Variants in CPA6 observed in about 807,000 individuals in gnomAD.
The protein encoded by CPA6 is carboxypeptidase A6, also known as carboxypeptidase B.
CPA6 carries 58 observed loss-of-function variants against 63.3 expected under a neutral mutation model. That is an observed-to-expected ratio of 0.92 (90% CI 0.74 to 1.14). The LOEUF is 1.14. Ranked by LOEUF, CPA6 falls within the 50% of genes most tolerant of loss-of-function variation. CPA6 has a pLI of 0.00. For missense variants in CPA6, 565 were observed against 526.6 expected (o/e 1.07, Z -0.71); for synonymous variants, 185 against 179.0 (o/e 1.03, Z -0.27).
chr8:67,666,835 C>T, intron 1 of CPA6, among the ~76,000 whole-genome samples: 1 of 152,170 alleles, frequency 6.6e-6, no homozygotes, highest in Admixed American at 6.5e-5. Context: ...GAATGGTTGA[C>T]ACTCTCGATC....
chr8:67,670,351 A>C (rs1362508024), intron 1 of CPA6, among the ~76,000 whole-genome samples: 1 of 152,102 alleles, frequency 6.6e-6, no homozygotes, highest in Non-Finnish European at 1.5e-5. Flanking sequence ...CCACTTTTAA[A>C]CAACCAGATC....
At chr8:67,465,184 T>G (rs2128957745) in intron 8 of CPA6, among the ~76,000 whole-genome samples, 1 of 152,344 alleles carries the variant, frequency 6.6e-6, no homozygotes, top group East Asian at 1.9e-4. Context: ...TAAGATTTCT[T>G]TTAGCAGTGT....
intron 1 of CPA6, among the ~76,000 whole-genome samples, chr8:67,728,844 ATGGAGC>A (rs1262128494): frequency 5.9e-5 from 9 of 152,228 alleles, no homozygotes; most frequent in African/African-American, 2.2e-4. Context: ...CAGGCTGAGG[ATGGAGC>A]TGGTGGTCCG....
At chr8:67,499,258 T>A (rs1030623133) in intron 6 of CPA6, among the ~76,000 whole-genome samples, 21 of 152,124 alleles carry the variant, frequency 1.4e-4, no homozygotes, top group African/African-American at 4.6e-4. Flanking sequence ...AGAGCCCCCC[T>A]TGATACTTCT....
At chr8:67,654,717 T>A (rs998267010) in intron 1 of CPA6, among the ~76,000 whole-genome samples, 41 of 152,230 alleles carry the variant, frequency 2.7e-4, no homozygotes, top group African/African-American at 9.4e-4. Context: ...ATGTTGCCAA[T>A]CTGTAAAATC....
chr8:67,630,260 A>G (rs1259049098), intron 1 of CPA6, among the ~76,000 whole-genome samples: 1 of 152,032 alleles, frequency 6.6e-6, no homozygotes, highest in Non-Finnish European at 1.5e-5. Flanking sequence ...ATAGGACGCC[A>G]TCCATTACAG....
chr8:67,661,658 G>C (rs550164315), intron 1 of CPA6, among the ~76,000 whole-genome samples: 11 of 152,202 alleles, frequency 7.2e-5, no homozygotes, highest in Non-Finnish European at 1.2e-4. Flanking sequence ...GGGGGTAAAA[G>C]CTAGAAGAGT....
chr8:67,584,044 G>T (rs1174237838), intron 2 of CPA6, among the ~76,000 whole-genome samples: 1 of 152,182 alleles, frequency 6.6e-6, no homozygotes, highest in African/African-American at 2.4e-5. Flanking sequence ...TGTAATCCCA[G>T]CTACTTGGGA....
chr8:67,465,458 A>G (rs2128957791), intron 8 of CPA6, among the ~76,000 whole-genome samples: 1 of 152,078 alleles, frequency 6.6e-6, no homozygotes, highest in Non-Finnish European at 1.5e-5. Flanking sequence ...AGCTAGTTTA[A>G]CTTCTTTTTC....
intron 2 of CPA6, among the ~76,000 whole-genome samples, chr8:67,539,194 T>G (rs1812654002): frequency 6.6e-6 from 1 of 152,182 alleles, no homozygotes; most frequent in South Asian, 2.1e-4. Flanking sequence ...GTAGGCCTGG[T>G]GGTGACAAAG....
At chr8:67,713,565 T>G (rs1215220339) in intron 1 of CPA6, among the ~76,000 whole-genome samples, 1 of 152,196 alleles carries the variant, frequency 6.6e-6, no homozygotes, top group East Asian at 1.9e-4. Context: ...GCAATTAGGC[T>G]TAGTAGAACT....
intron 8 of CPA6, among the ~76,000 whole-genome samples, chr8:67,482,920 G>A (rs1321747545): frequency 1.3e-5 from 2 of 152,186 alleles, no homozygotes; most frequent in East Asian, 1.9e-4. Flanking sequence ...CAAAGCCCAC[G>A]CCCAGTTATT....
intron 5 of CPA6, 41 bp downstream of exon 5, chr8:67,509,476 G>T (rs1049469465): frequency 4.4e-6 from 4 of 914,780 alleles, no homozygotes; most frequent in Non-Finnish European, 5.2e-6. Flanking sequence ...ATGGATATTT[G>T]GTAAACATTA....
chr8:67,696,807 G>A (rs1816920965), intron 1 of CPA6, among the ~76,000 whole-genome samples: 1 of 152,166 alleles, frequency 6.6e-6, no homozygotes, highest in South Asian at 2.1e-4. Flanking sequence ...CCTGTTGTTA[G>A]AAAGATTAAA....
rs371403725 is a variant in CPA6 at position 67,433,945 on chromosome 8, A to G, written c.1041+93T>C. On this transcript the variant is annotated intron_variant, in intron 9 of 10. Transcript: ENST00000297770. Reference sequence around the variant, plus strand: ...AATATTTATTAGGATAAACACAAACATGTGTTTGCCATTATCATTAGTACT... The same window carrying G: ...AATATTTATTAGGATAAACACAAACGTGTGTTTGCCATTATCATTAGTACT... 1.6e-4 allele frequency: 128 copies of G among 820,896 alleles called. 2 individuals carry two copies. The South Asian group carries it at 1.8e-3, about 12-fold the overall frequency. The allele number at this position is 820,896 out of a possible 1,614,324, so 50.9% of individuals were successfully genotyped here.
chr8:67,599,355 T>C (rs745758364), intron 2 of CPA6, among the ~76,000 whole-genome samples: 39 of 152,174 alleles, frequency 2.6e-4, no homozygotes, highest in Non-Finnish European at 5.0e-4. Context: ...TGGACAACCA[T>C]GTAAAAAGCC....
chr8:67,574,655 T>C (rs1813577122), intron 2 of CPA6, among the ~76,000 whole-genome samples: 1 of 152,130 alleles, frequency 6.6e-6, no homozygotes, highest in Non-Finnish European at 1.5e-5. Context: ...GTCTGTTCAA[T>C]AAGTGGTGAT....
At chr8:67,692,433 G>A (rs1816832976) in intron 1 of CPA6, among the ~76,000 whole-genome samples, 1 of 151,722 alleles carries the variant, frequency 6.6e-6, no homozygotes, top group African/African-American at 2.4e-5. Flanking sequence ...GCAGCTGCTT[G>A]AACATATAAT....
At chr8:67,542,989 T>G (rs540622921) in intron 2 of CPA6, among the ~76,000 whole-genome samples, 1 of 152,366 alleles carries the variant, frequency 6.6e-6, no homozygotes, top group Non-Finnish European at 1.5e-5. Context: ...ATTAATTATT[T>G]AGTATTTGTA....
Sources: allele counts gnomAD v4.1 joint callset (sites outside exome capture counted in the v4.1 genomes callset), GRCh38; gene constraint gnomAD v4.1.1; transcripts MANE v1.5; gene names NCBI Gene and HGNC (gene_info 2026-07-23, HGNC 2026-07-21).